The following GLIS1 variants were observed in gnomAD, a reference collection of about 807,000 sequenced individuals.
The protein encoded by GLIS1 is zinc finger protein GLIS1.
GLIS1 carries 24 observed loss-of-function variants against 63.8 expected under a neutral mutation model. The observed-to-expected ratio is 0.38, with a 90% CI of 0.27 to 0.53. GLIS1 has a LOEUF of 0.53. GLIS1 is among the 20% of genes least tolerant of loss of function. The pLI is 0.85. For missense variants in GLIS1, 1,036 were observed against 1,074.1 expected (o/e 0.96, Z 0.50); for synonymous variants, 450 against 482.5 (o/e 0.93, Z 0.88).
intron 2 of GLIS1, among the ~76,000 whole-genome samples, chr1:53,643,647 T>C (rs537441724): frequency 2.4e-4 from 37 of 152,324 alleles, no homozygotes; most frequent in Non-Finnish European, 4.4e-4. Context: ...GGGCAAGTTA[T>C]GGAAGCTCTC....
Position 53,594,414 on chromosome 1 carries a change from G to T in GLIS1, c.1014C>A (p.Gly338=), listed in dbSNP as rs779059013. 6.2e-7 allele frequency: 1 copy of T among 1,612,444 alleles called. No individual in the cohort carries two copies. The highest frequency in any genetic ancestry group is 8.5e-7 in the Non-Finnish European group (1 of 1,179,648). Residue 338 remains glycine, a synonymous_variant, in exon 4 of 11, where the codon GGC becomes GGA. Transcript: ENST00000628545. ...GAGACAGGGGATAGGGGGGCGGCAG[G>T]CCCTGCTGGTGAGGCCCAAAGAGCT... ...FSELFGPHQQ[G]LPPPYPLSQL...
At chr1:53,569,588 A>G (rs1454145778) in intron 4 of GLIS1, among the ~76,000 whole-genome samples, 1 of 152,198 alleles carries the variant, frequency 6.6e-6, no homozygotes, top group African/African-American at 2.4e-5. Context: ...GGAGCAAGAC[A>G]AGGAGGTCTA....
intron 2 of GLIS1, among the ~76,000 whole-genome samples, chr1:53,644,115 A>G (rs1204021320): frequency 6.6e-6 from 1 of 152,194 alleles, no homozygotes; most frequent in Non-Finnish European, 1.5e-5. Flanking sequence ...TCTACAAGAC[A>G]CCATTTAGGG....
At chr1:53,514,852 T>G (rs1644334748) in intron 7 of GLIS1, 71 bp from the exon 8 acceptor site, 2 of 1,437,642 alleles carry the variant, frequency 1.4e-6, no homozygotes, top group Non-Finnish European at 1.9e-6. Context: ...GCCCAGGAGC[T>G]GTGTGTGCCT....
intron 10 of GLIS1, 41 bp from the exon 11 acceptor site, chr1:53,506,817 G>C: frequency 6.3e-7 from 1 of 1,580,142 alleles, no homozygotes; most frequent in African/African-American, 1.3e-5. Context: ...GAGGCAGCAG[G>C]GGCTGTGCCT....
intron 4 of GLIS1, among the ~76,000 whole-genome samples, chr1:53,588,945 T>A (rs6588482): frequency 0.33 from 50,179 of 152,074 alleles, 8,648 homozygotes; most frequent in African/African-American, 0.39. Flanking sequence ...ATATTAATTC[T>A]CTTCTCCCTC....
chr1:53,694,747 C>G (rs78824595), intron 2 of GLIS1, among the ~76,000 whole-genome samples: 2,357 of 152,346 alleles, frequency 0.015, 58 homozygotes, highest in African/African-American at 0.051. Context: ...CACACACTAG[C>G]AGGAGCTAAA....
intron 2 of GLIS1, among the ~76,000 whole-genome samples, chr1:53,607,536 G>T (rs530029362): frequency 1.3e-5 from 2 of 152,164 alleles, no homozygotes; most frequent in African/African-American, 4.8e-5. Flanking sequence ...GGCTCTTTCC[G>T]TGCCAGTATT....
intron 4 of GLIS1, among the ~76,000 whole-genome samples, chr1:53,575,786 G>C (rs1274587523): frequency 1.3e-5 from 2 of 152,164 alleles, no homozygotes; most frequent in Non-Finnish European, 2.9e-5. Flanking sequence ...GGCTGGGATG[G>C]GTGCAGGAGG....
At chr1:53,734,153 G>C (rs978591378) in intron 2 of GLIS1, 82 of 983,182 alleles carry the variant, frequency 8.3e-5, no homozygotes, top group Non-Finnish European at 9.5e-5. Flanking sequence ...CACATTTGTC[G>C]TGATCAACCT....
intron 2 of GLIS1, among the ~76,000 whole-genome samples, chr1:53,656,460 T>C (rs1035007458): frequency 1.3e-5 from 2 of 152,104 alleles, no homozygotes; most frequent in African/African-American, 4.8e-5. Flanking sequence ...CAAGCACAAA[T>C]CTGTGAGAAA....
chr1:53,589,734 T>C (rs1645170122), intron 4 of GLIS1, among the ~76,000 whole-genome samples: 1 of 152,088 alleles, frequency 6.6e-6, no homozygotes, highest in South Asian at 2.1e-4. Flanking sequence ...GGCCCGAGAC[T>C]CCAGCAGCTC....
At chr1:53,683,822 G>A (rs1159685169) in intron 2 of GLIS1, among the ~76,000 whole-genome samples, 2 of 152,164 alleles carry the variant, frequency 1.3e-5, no homozygotes, top group Non-Finnish European at 2.9e-5. Flanking sequence ...TGGGGATGCT[G>A]CAGAAGGGAT....
At chr1:53,735,028 A>C (rs1055829092) in intron 2 of GLIS1, among the ~76,000 whole-genome samples, 1 of 152,174 alleles carries the variant, frequency 6.6e-6, no homozygotes, top group African/African-American at 2.4e-5. Flanking sequence ...CAGGCCCCAG[A>C]CATTTATGGA....
intron 2 of GLIS1, among the ~76,000 whole-genome samples, chr1:53,678,535 C>T (rs1456250834): frequency 6.6e-6 from 1 of 151,986 alleles, no homozygotes; most frequent in Non-Finnish European, 1.5e-5. Flanking sequence ...AGGCTGGTAC[C>T]TGCACCCCCA....
At chr1:53,605,068 TGA>T (rs1299147097) in intron 2 of GLIS1, among the ~76,000 whole-genome samples, 1 of 151,794 alleles carries the variant, frequency 6.6e-6, no homozygotes, top group East Asian at 1.9e-4. Flanking sequence ...CATGCAGCAG[TGA>T]GAGAGACAGG....
At chr1:53,634,588 T>C (rs1645703257) in intron 2 of GLIS1, among the ~76,000 whole-genome samples, 1 of 152,070 alleles carries the variant, frequency 6.6e-6, no homozygotes, top group Non-Finnish European at 1.5e-5. Flanking sequence ...TAGAGTTCAT[T>C]TGTGAGGGAA....
chr1:53,684,038 T>C (rs1448172265), intron 2 of GLIS1, among the ~76,000 whole-genome samples: 3 of 152,118 alleles, frequency 2.0e-5, no homozygotes, highest in South Asian at 2.1e-4. Flanking sequence ...GGAGTAGAGA[T>C]GGAGAGCAGG....
chr1:53,698,951 G>A (rs1349227909), intron 2 of GLIS1, among the ~76,000 whole-genome samples: 1 of 152,148 alleles, frequency 6.6e-6, no homozygotes, highest in Non-Finnish European at 1.5e-5. Context: ...GACCATCAGA[G>A]TCATAAAAGG....
Sources: gnomAD v4.1 joint callset for allele counts (sites outside exome capture counted in the v4.1 genomes callset) on GRCh38, gnomAD v4.1.1 for gene constraint, MANE v1.5 for transcripts, NCBI Gene and HGNC (gene_info 2026-07-23, HGNC 2026-07-21) for gene names.